Variants in SAMD5 observed in about 807,000 individuals in gnomAD.
SAMD5 encodes sterile alpha motif domain-containing protein 5.
A neutral mutation model predicts 11.3 loss-of-function variants in SAMD5; 13 were observed. The ratio of observed to expected loss-of-function variants is 1.15; its 90% CI spans 0.75 to 1.83. The LOEUF (loss-of-function observed/expected upper bound fraction) is 1.83, where lower values mean the gene tolerates loss of function less well. SAMD5 is among the 40% of genes most tolerant of loss of function. SAMD5 has a pLI of 0.00. For synonymous variants in SAMD5, 129 were observed against 111.3 expected (o/e 1.16, Z -1.00); for missense variants, 255 against 239.1 (o/e 1.07, Z -0.44).
the SAMD5 span, among the ~76,000 whole-genome samples, chr6:147,852,978 A>G: frequency 2.0e-5 from 3 of 152,196 alleles, no homozygotes; most frequent in Non-Finnish European, 4.4e-5. Context: ...CATCTTTTCT[A>G]CATTAGAAGA....
At chr6:147,933,340 A>G in the SAMD5 span, among the ~76,000 whole-genome samples, 1 of 152,326 alleles carries the variant, frequency 6.6e-6, no homozygotes, top group Middle Eastern at 3.4e-3. Context: ...GTGACAATGT[A>G]GAAAGAAGAT....
chr6:147,680,298 ATAT>A (rs1790923472), intron 1 of SAMD5, among the ~76,000 whole-genome samples: 1 of 152,168 alleles, frequency 6.6e-6, no homozygotes, highest in South Asian at 2.1e-4. Context: ...TGATGTTATA[ATAT>A]TATTATTTCA....
chr6:147,721,583 TAGATTCTG>T (rs1160721034), intron 1 of SAMD5, among the ~76,000 whole-genome samples: 8 of 152,352 alleles, frequency 5.3e-5, no homozygotes, highest in African/African-American at 1.9e-4. Context: ...GAGTTCATTG[TAGATTCTG>T]GATATTAGCC....
intron 1 of SAMD5, among the ~76,000 whole-genome samples, chr6:147,693,083 C>G (rs1456771914): frequency 1.3e-5 from 2 of 152,166 alleles, no homozygotes; most frequent in Non-Finnish European, 2.9e-5. Context: ...AGTGTGCGCT[C>G]TCTCCGACAA....
the SAMD5 span, among the ~76,000 whole-genome samples, chr6:147,854,258 G>T: frequency 9.2e-5 from 14 of 152,174 alleles, no homozygotes; most frequent in Non-Finnish European, 1.9e-4. Context: ...CTGTTCTTGG[G>T]CAGGTAAGAA....
At chr6:147,675,684 G>A (rs1446045186) in intron 1 of SAMD5, among the ~76,000 whole-genome samples, 2 of 152,194 alleles carry the variant, frequency 1.3e-5, no homozygotes, top group Admixed American at 6.5e-5. Flanking sequence ...ATTTGATACA[G>A]TATTGTGGCC....
the SAMD5 span, among the ~76,000 whole-genome samples, chr6:147,749,884 C>A: frequency 0.028 from 4,232 of 152,250 alleles, 160 homozygotes; most frequent in African/African-American, 0.085. Context: ...ACATAAAAAG[C>A]AATGAAATGA....
chr6:147,615,729 T>C (rs1005708080), intron 1 of SAMD5, among the ~76,000 whole-genome samples: 1 of 152,178 alleles, frequency 6.6e-6, no homozygotes, highest in Non-Finnish European at 1.5e-5. Context: ...GAAATGTGGG[T>C]CGGTATAAAC....
At chr6:147,681,596 T>C (rs748414750) in intron 1 of SAMD5, among the ~76,000 whole-genome samples, 6 of 152,206 alleles carry the variant, frequency 3.9e-5, no homozygotes, top group Admixed American at 2.0e-4. Flanking sequence ...CTGGTAAATA[T>C]TTTATTGAAT....
At chr6:147,528,996 C>G (rs1788387427) in intron 1 of SAMD5, among the ~76,000 whole-genome samples, 1 of 152,190 alleles carries the variant, frequency 6.6e-6, no homozygotes. Context: ...TTCAGCTTTC[C>G]CTGCCACTGT....
chr6:147,901,016 G>A, the SAMD5 span, among the ~76,000 whole-genome samples: 1 of 152,106 alleles, frequency 6.6e-6, no homozygotes, highest in Non-Finnish European at 1.5e-5. Context: ...AGAAGAAATA[G>A]CATTAAAAGC....
intron 1 of SAMD5, among the ~76,000 whole-genome samples, chr6:147,607,549 T>G (rs1789721841): frequency 6.6e-6 from 1 of 152,208 alleles, no homozygotes; most frequent in Middle Eastern, 3.4e-3. Flanking sequence ...AACCCATTTT[T>G]GATAAAGGTG....
rs1791540822 is a variant in SAMD5 at position 147,720,837 on chromosome 6, A to G, written c.163-16480A>G. 3.3e-5 allele frequency among the ~76,000 whole-genome samples: 4 copies of G among 122,926 alleles called. 1 individual carries two copies. Among genetic ancestry groups the G allele is most frequent in the Admixed American group, 2.4e-4 (3 of 12,338 alleles). 80.6% of individuals were successfully genotyped at this position (122,926 alleles called of 152,430 possible). The stretch of plus-strand genomic sequence containing the variant: ...AGCATTAGGTATATCTCCCAATGCT[A>G]TCCCTCCCCCCTCCCCCCACCCCAC... On this transcript the variant is annotated intron_variant, in intron 1 of 1. Transcript: ENST00000566741.
chr6:147,900,068 A>C, the SAMD5 span, among the ~76,000 whole-genome samples: 1 of 152,154 alleles, frequency 6.6e-6, no homozygotes, highest in Non-Finnish European at 1.5e-5. Flanking sequence ...TTTAGGATAG[A>C]CCCAGTCTCC....
chr6:147,836,273 A>G, the SAMD5 span, among the ~76,000 whole-genome samples: 1 of 152,150 alleles, frequency 6.6e-6, no homozygotes, highest in Admixed American at 6.5e-5. Flanking sequence ...AGTTCTATTT[A>G]TCTAGTGCAC....
the SAMD5 span, among the ~76,000 whole-genome samples, chr6:147,879,208 T>G: frequency 6.6e-6 from 1 of 152,250 alleles, no homozygotes; most frequent in South Asian, 2.1e-4. Flanking sequence ...CAGGCTGCGC[T>G]GAAGAAGCTG....
At position 147,605,071 on chromosome 6, in the gene SAMD5, C is replaced by T. The variant is rs76402326; in HGVS notation, c.162+95684C>T. 2.2e-3 allele frequency among the ~76,000 whole-genome samples: 329 copies of T among 152,268 alleles called. 7 individuals are homozygous for T. The East Asian group carries it at 0.059, about 28-fold the overall frequency. ...CTCTGACACTGTCTTCTGTCACTTT[C>T]AGTACTAGTTCAATGTCATGCTCAT... On this transcript the variant is annotated intron_variant, in intron 1 of 1. Coordinates refer to the SAMD5 transcript ENST00000566741.
the SAMD5 span, among the ~76,000 whole-genome samples, chr6:147,922,654 A>C: frequency 6.6e-6 from 1 of 152,192 alleles, no homozygotes; most frequent in Non-Finnish European, 1.5e-5. Flanking sequence ...AAAGCTAAAA[A>C]TCCAGACATT....
chr6:147,889,063 T>C, the SAMD5 span, among the ~76,000 whole-genome samples: 1 of 152,216 alleles, frequency 6.6e-6, no homozygotes, highest in Non-Finnish European at 1.5e-5. Context: ...TTTCTTCAAA[T>C]ACTTTTTGTT....
Sources: allele counts gnomAD v4.1 joint callset (sites outside exome capture counted in the v4.1 genomes callset), GRCh38; gene constraint gnomAD v4.1.1; transcripts MANE v1.5; gene names NCBI Gene and HGNC (gene_info 2026-07-23, HGNC 2026-07-21).